Variants in ARB2A observed in about 807,000 individuals in gnomAD.
ARB2A encodes the protein ARB2 cotranscriptional regulator A.
the ARB2A span, among the ~76,000 whole-genome samples, chr5:93,781,059 T>A: frequency 1.3e-5 from 2 of 152,208 alleles, no homozygotes; most frequent in Non-Finnish European, 2.9e-5. Context: ...AGTGCATTTT[T>A]ATTACATGGA....
At chr5:93,930,319 A>G in the ARB2A span, among the ~76,000 whole-genome samples, 1 of 152,322 alleles carries the variant, frequency 6.6e-6, no homozygotes, top group Admixed American at 6.5e-5. Flanking sequence ...ATGAAACAGG[A>G]AGTTGTATTT....
At chr5:93,834,077 CAT>C in the ARB2A span, among the ~76,000 whole-genome samples, 4 of 152,292 alleles carry the variant, frequency 2.6e-5, no homozygotes, top group East Asian at 3.9e-4. Context: ...GACACAAAAA[CAT>C]GTGTACACCA....
the ARB2A span, among the ~76,000 whole-genome samples, chr5:93,684,779 A>G: frequency 6.6e-6 from 1 of 152,238 alleles, no homozygotes; most frequent in Non-Finnish European, 1.5e-5. Flanking sequence ...TTTGTACTAA[A>G]AAACATCCTA....
At chr5:94,103,809 A>C in the ARB2A span, among the ~76,000 whole-genome samples, 12 of 151,978 alleles carry the variant, frequency 7.9e-5, no homozygotes, top group East Asian at 2.3e-3. Context: ...AAAAAAAAAA[A>C]AAAACTGAAA....
the ARB2A span, among the ~76,000 whole-genome samples, chr5:93,780,349 C>T: frequency 6.6e-6 from 1 of 152,214 alleles, no homozygotes; most frequent in East Asian, 1.9e-4. Context: ...TCAGCCTAGA[C>T]AGTCCTGGGG....
the ARB2A span, chr5:93,683,690 T>C: frequency 6.2e-7 from 1 of 1,610,504 alleles, no homozygotes; most frequent in Non-Finnish European, 8.5e-7. Flanking sequence ...CTCAGGGGGC[T>C]CATGTCCATG....
chr5:93,936,536 T>C, the ARB2A span, among the ~76,000 whole-genome samples: 1 of 152,134 alleles, frequency 6.6e-6, no homozygotes, highest in Non-Finnish European at 1.5e-5. Context: ...TCAATAGCAA[T>C]TTTTCAGCGG....
At chr5:93,866,442 C>CCACA in the ARB2A span, among the ~76,000 whole-genome samples, 1 of 151,890 alleles carries the variant, frequency 6.6e-6, no homozygotes, top group East Asian at 1.9e-4. Flanking sequence ...ACATATACAC[C>CCACA]CACACACACA....
chr5:94,104,172 A>AAAAACCAAAAC, the ARB2A span, among the ~76,000 whole-genome samples: 4 of 151,984 alleles, frequency 2.6e-5, no homozygotes, highest in South Asian at 8.3e-4. Context: ...ACTGAACAAA[A>AAAAACCAAAAC]CTAAGACATG....
At chr5:94,015,559 C>A in the ARB2A span, among the ~76,000 whole-genome samples, 1 of 151,928 alleles carries the variant, frequency 6.6e-6, no homozygotes, top group Admixed American at 6.6e-5. Context: ...GTATGAAGCC[C>A]AAAAGTCAAA....
At chr5:93,933,576 C>G in the ARB2A span, among the ~76,000 whole-genome samples, 1 of 152,130 alleles carries the variant, frequency 6.6e-6, no homozygotes, top group African/African-American at 2.4e-5. Flanking sequence ...ACCGCATGTT[C>G]TCACTCATAA....
At chr5:93,807,630 A>G in the ARB2A span, among the ~76,000 whole-genome samples, 1 of 151,986 alleles carries the variant, frequency 6.6e-6, no homozygotes. Context: ...AGTAAATTTT[A>G]GTTTACATCT....
the ARB2A span, among the ~76,000 whole-genome samples, chr5:93,673,055 T>A: frequency 2.0e-5 from 3 of 152,230 alleles, no homozygotes; most frequent in Non-Finnish European, 4.4e-5. Context: ...TTTTTTAAAG[T>A]ATCACTTGAT....
At chr5:94,007,974 G>A in the ARB2A span, among the ~76,000 whole-genome samples, 7 of 152,110 alleles carry the variant, frequency 4.6e-5, no homozygotes, top group Non-Finnish European at 8.8e-5. Context: ...GTAGATATAA[G>A]TATTAAATAA....
At chr5:93,899,367 A>T in the ARB2A span, among the ~76,000 whole-genome samples, 1 of 152,176 alleles carries the variant, frequency 6.6e-6, no homozygotes, top group Non-Finnish European at 1.5e-5. Context: ...TCACTAAAAT[A>T]GGAAACCCTT....
chr5:94,023,446 A>G, the ARB2A span, among the ~76,000 whole-genome samples: 68 of 152,238 alleles, frequency 4.5e-4, no homozygotes, highest in African/African-American at 1.6e-3. Flanking sequence ...TGGTGCCTTG[A>G]TGAAGGTTCA....
chr5:93,999,122 C>T, the ARB2A span, among the ~76,000 whole-genome samples: 1 of 151,994 alleles, frequency 6.6e-6, no homozygotes, highest in East Asian at 1.9e-4. Flanking sequence ...ACATAGAAAA[C>T]TGCTAAAGTA....
the ARB2A span, among the ~76,000 whole-genome samples, chr5:94,034,997 G>A: frequency 1.3e-5 from 2 of 152,084 alleles, no homozygotes. Flanking sequence ...AGGTGAAACA[G>A]TTTCATCCCA....
chr5:93,958,343 T>A, the ARB2A span, among the ~76,000 whole-genome samples: 1 of 152,052 alleles, frequency 6.6e-6, no homozygotes, highest in Non-Finnish European at 1.5e-5. Flanking sequence ...TAATTCAAAG[T>A]AGCAGATCTC....
Sources: allele counts gnomAD v4.1 joint callset (sites outside exome capture counted in the v4.1 genomes callset), GRCh38; gene constraint gnomAD v4.1.1; transcripts MANE v1.5; gene names NCBI Gene and HGNC (gene_info 2026-07-23, HGNC 2026-07-21).